The following SHISAL2A variants were observed in gnomAD, a reference collection of about 807,000 sequenced individuals.
SHISAL2A encodes shisa like 2A.
A neutral mutation model predicts 11.5 loss-of-function variants in SHISAL2A; 18 were observed. The ratio of observed to expected loss-of-function variants is 1.57; its 90% CI spans 1.08 to 2.33. The LOEUF (loss-of-function observed/expected upper bound fraction) is 2.33. SHISAL2A is among the 30% of genes most tolerant of loss of function. The probability of loss-of-function intolerance (pLI) is 0.00; values close to 1 mark genes in which losing one functional copy is unlikely to be tolerated. For missense variants in SHISAL2A, 261 were observed against 250.9 expected, an observed-to-expected ratio of 1.04 and a Z score of -0.27; for synonymous variants, 94 against 99.6, an observed-to-expected ratio of 0.94 and a Z score of 0.34.
At chr1:52,662,578 A>G (rs447837) in intron 4 of SHISAL2A, among the ~76,000 whole-genome samples, 73,970 of 150,134 alleles carry the variant, frequency 0.49, 20,722 homozygotes, top group African/African-American at 0.77. Flanking sequence ...CTTGAACTCC[A>G]GACCTCAAGT....
downstream of SHISAL2A, among the ~76,000 whole-genome samples, chr1:52,660,887 G>T (rs190089800): frequency 6.6e-5 from 10 of 152,286 alleles, no homozygotes; most frequent in African/African-American, 1.2e-4. Context: ...ATTTACAAAA[G>T]ATCCCTAATC....
At chr1:52,658,962 A>G (rs1691851341), downstream of SHISAL2A, among the ~76,000 whole-genome samples, 1 of 152,110 alleles carries the variant, frequency 6.6e-6, no homozygotes, top group Admixed American at 6.5e-5. Flanking sequence ...TCACCCACAG[A>G]AGTGTTCTAG....
intron 2 of SHISAL2A, among the ~76,000 whole-genome samples, chr1:52,647,665 G>A (rs973540928): frequency 1.3e-5 from 2 of 151,910 alleles, no homozygotes; most frequent in Non-Finnish European, 2.9e-5. Context: ...GGCCAACATG[G>A]TGAAACCCAT....
chr1:52,646,967 C>T (rs2149881805), intron 2 of SHISAL2A, among the ~76,000 whole-genome samples: 1 of 152,226 alleles, frequency 6.6e-6, no homozygotes, highest in South Asian at 2.1e-4. Context: ...GTAGCTGAGA[C>T]TACAGGCACC....
At chr1:52,651,008 A>C (rs915764250) in intron 2 of SHISAL2A, among the ~76,000 whole-genome samples, 1 of 151,932 alleles carries the variant, frequency 6.6e-6, no homozygotes, top group African/African-American at 2.4e-5. Context: ...ATTGCTAAAA[A>C]AAAAAGTGAG....
At chr1:52,636,028 C>T (rs1323872969) in intron 1 of SHISAL2A, among the ~76,000 whole-genome samples, 1 of 152,258 alleles carries the variant, frequency 6.6e-6, no homozygotes, top group Non-Finnish European at 1.5e-5. Flanking sequence ...GTTGAAGGCC[C>T]ACTGTGTAGT....
At chr1:52,657,674 G>A (rs1055403954), downstream of SHISAL2A, among the ~76,000 whole-genome samples, 1 of 152,164 alleles carries the variant, frequency 6.6e-6, no homozygotes, top group Admixed American at 6.5e-5. Context: ...GGGCAACACA[G>A]TGAGACCCAG....
chr1:52,664,230 G>A (rs1381124406), intron 4 of SHISAL2A, among the ~76,000 whole-genome samples: 1 of 147,834 alleles, frequency 6.8e-6, no homozygotes, highest in African/African-American at 2.5e-5. Flanking sequence ...TCGCTCTGTC[G>A]CCCAGGCTGG....
At chr1:52,656,711 G>A in intron 2 of SHISAL2A, 79 bp from the exon 3 acceptor site, 1 of 1,482,598 alleles carries the variant, frequency 6.7e-7, no homozygotes. Context: ...CCCAAGGTAA[G>A]CACCAGAGAA....
At position 52,633,406 on chromosome 1, in the gene SHISAL2A, T is replaced by G. The variant is rs74581122; in HGVS notation, c.-88T>G. On this transcript the variant is annotated 5_prime_UTR_variant, in exon 1 of 3. Coordinates refer to ENST00000517870, the MANE Select transcript of SHISAL2A (RefSeq NM_001042693.3). This position sits in a 1 kb window ranked among gnomAD's most constrained non-coding sequence, Gnocchi z 6.4. The stretch of plus-strand genomic sequence containing the variant: ...CGTCTCTGCCGTTCTCAGGCTCAGC[T>G]CCGTCTCGCTCGGTCCCTCGCTTCC... The G allele has an allele frequency of 1.3e-3, 1,558 of 1,195,756 alleles. 25 individuals carry two copies. In the East Asian group the frequency reaches 0.033, roughly 25 times the overall value. 74.1% of individuals were successfully genotyped at this position (1,195,756 alleles called of 1,614,324 possible).
At chr1:52,658,549 A>G (rs547011766), downstream of SHISAL2A, among the ~76,000 whole-genome samples, 4 of 152,338 alleles carry the variant, frequency 2.6e-5, no homozygotes, top group South Asian at 8.3e-4. Flanking sequence ...GAATCTTAGT[A>G]GTATCTTCTA....
At chr1:52,660,482 A>G (rs1347182422), downstream of SHISAL2A, among the ~76,000 whole-genome samples, 4 of 152,136 alleles carry the variant, frequency 2.6e-5, no homozygotes, top group African/African-American at 9.7e-5. Context: ...GTGGGCTGAT[A>G]CGCAGACAGA....
chr1:52,639,727 G>T (rs530248153), intron 1 of SHISAL2A, among the ~76,000 whole-genome samples: 2 of 151,910 alleles, frequency 1.3e-5, no homozygotes, highest in African/African-American at 4.8e-5. Context: ...CACTCCAGCC[G>T]GGGCGACAGA....
intron 2 of SHISAL2A, 127 bp downstream of exon 2, chr1:52,643,129 G>A (rs1478848838): frequency 2.2e-6 from 2 of 897,950 alleles, no homozygotes; most frequent in Non-Finnish European, 3.4e-6. Context: ...AGAAGCAGCG[G>A]CACATTTTTC....
chr1:52,653,818 C>T (rs1691728112), intron 2 of SHISAL2A, among the ~76,000 whole-genome samples: 1 of 152,016 alleles, frequency 6.6e-6, no homozygotes, highest in African/African-American at 2.4e-5. Context: ...GCCTCAACTT[C>T]CTGGGCTCAA....
downstream of SHISAL2A, among the ~76,000 whole-genome samples, chr1:52,659,125 T>C (rs1691856963): frequency 6.6e-6 from 1 of 151,716 alleles, no homozygotes; most frequent in Non-Finnish European, 1.5e-5. Flanking sequence ...TGGAGTGCAG[T>C]GGAGATCATA....
Position 52,646,889 on chromosome 1 carries a change from G to A in SHISAL2A, c.322+3887G>A, listed in dbSNP as rs146872201. On this transcript the variant is annotated intron_variant, in intron 2 of 2. Coordinates refer to ENST00000517870, the MANE Select transcript of SHISAL2A (RefSeq NM_001042693.3). Reference sequence around the variant, plus strand: ...CTGTCGCCCAGGCTAGAGTGCGGTGGTGCGATCTCAGCTCACTGCCACTTC... The same window carrying A: ...CTGTCGCCCAGGCTAGAGTGCGGTGATGCGATCTCAGCTCACTGCCACTTC... Among the ~76,000 whole-genome samples the A allele has an allele frequency of 4.1e-3, 622 of 152,154 alleles. 8 individuals carry two copies. The highest frequency in any genetic ancestry group is 0.014 in the African/African-American group (600 of 41,484).
intron 2 of SHISAL2A, among the ~76,000 whole-genome samples, chr1:52,643,581 G>A (rs1362204276): frequency 6.6e-6 from 1 of 152,162 alleles, no homozygotes; most frequent in Non-Finnish European, 1.5e-5. Flanking sequence ...TGGGCTAGGC[G>A]CGGTGGCTCA....
chr1:52,647,042 C>T (rs1396516078), intron 2 of SHISAL2A, among the ~76,000 whole-genome samples: 1 of 152,008 alleles, frequency 6.6e-6, no homozygotes, highest in African/African-American at 2.4e-5. Context: ...TTATATTGGC[C>T]AGGCTGGTCT....
Sources: gnomAD v4.1 joint callset for allele counts (sites outside exome capture counted in the v4.1 genomes callset) on GRCh38, gnomAD v4.1.1 for gene constraint, Gnocchi (gnomAD v3.1) non-coding constraint, MANE v1.5 for transcripts, NCBI Gene and HGNC (gene_info 2026-07-23, HGNC 2026-07-21) for gene names.